Variants in PPM1L observed in about 807,000 individuals in gnomAD.
PPM1L encodes the protein protein phosphatase 1L.
PPM1L carries 13 observed loss-of-function variants against 31.4 expected under a neutral mutation model. That is an observed-to-expected ratio of 0.41 (90% CI 0.27 to 0.66). The LOEUF is 0.66. PPM1L is among the 30% of genes least tolerant of loss of function. The probability of loss-of-function intolerance (pLI) is 0.29; values close to 1 mark genes in which losing one functional copy is unlikely to be tolerated. For missense variants in PPM1L, 326 were observed against 453.7 expected (o/e 0.72, Z 2.56); for synonymous variants, 184 against 175.4 (o/e 1.05, Z -0.39).
intron 1 of PPM1L, among the ~76,000 whole-genome samples, chr3:160,900,367 T>G (rs1713498084): frequency 6.6e-6 from 1 of 152,122 alleles, no homozygotes. Flanking sequence ...CTCCTTTTCT[T>G]TCTTTGACTT....
intron 1 of PPM1L, among the ~76,000 whole-genome samples, chr3:160,926,588 G>A (rs1397136318): frequency 6.6e-6 from 1 of 152,134 alleles, no homozygotes; most frequent in African/African-American, 2.4e-5. Flanking sequence ...GGTAACAAAA[G>A]TGTACATTGA....
At chr3:160,997,798 G>A (rs1717370964) in intron 2 of PPM1L, among the ~76,000 whole-genome samples, 1 of 152,106 alleles carries the variant, frequency 6.6e-6, no homozygotes, top group South Asian at 2.1e-4. Context: ...CTGCAGTTTT[G>A]TTTTTCGCAT....
intron 2 of PPM1L, among the ~76,000 whole-genome samples, chr3:161,016,130 T>C (rs1271354215): frequency 1.3e-5 from 2 of 152,180 alleles, no homozygotes; most frequent in Non-Finnish European, 2.9e-5. Context: ...TATCAAGGTT[T>C]CATGCAAAGT....
intron 1 of PPM1L, among the ~76,000 whole-genome samples, chr3:160,819,345 A>G (rs1284698193): frequency 2.0e-5 from 3 of 152,054 alleles, no homozygotes; most frequent in African/African-American, 7.2e-5. Flanking sequence ...ATGGAGGTCT[A>G]GACTCTAGAC....
chr3:161,011,355 T>A (rs1717887942), intron 2 of PPM1L, among the ~76,000 whole-genome samples: 1 of 152,222 alleles, frequency 6.6e-6, no homozygotes, highest in Admixed American at 6.5e-5. Flanking sequence ...CTGAGAGCTC[T>A]ATTCTGTTCC....
chr3:160,963,821 C>T (rs1716047859), intron 2 of PPM1L, among the ~76,000 whole-genome samples: 1 of 151,994 alleles, frequency 6.6e-6, no homozygotes, highest in African/African-American at 2.4e-5. Context: ...GGTAGGCTTG[C>T]ACATGGCTTT....
chr3:160,829,115 A>G (rs1444816692), intron 1 of PPM1L, among the ~76,000 whole-genome samples: 3 of 151,922 alleles, frequency 2.0e-5, no homozygotes, highest in Admixed American at 2.0e-4. Flanking sequence ...TCGGTATTCC[A>G]GAACGTGCCC....
At chr3:160,957,011 G>A (rs1412217224) in intron 1 of PPM1L, among the ~76,000 whole-genome samples, 1 of 152,166 alleles carries the variant, frequency 6.6e-6, no homozygotes, top group Non-Finnish European at 1.5e-5. Flanking sequence ...ACCTATACCT[G>A]TACAAATACA....
chr3:160,769,362 T>C (rs1715189029), intron 1 of PPM1L, among the ~76,000 whole-genome samples: 1 of 152,280 alleles, frequency 6.6e-6, no homozygotes, highest in Non-Finnish European at 1.5e-5. Context: ...TGGGGGAAAA[T>C]AGACTTTAGA....
intron 1 of PPM1L, among the ~76,000 whole-genome samples, chr3:160,827,308 G>A (rs1009705819): frequency 6.6e-6 from 1 of 150,812 alleles, no homozygotes; most frequent in Non-Finnish European, 1.5e-5. Context: ...TTTTTTACTG[G>A]CTGATTTTTT....
chr3:160,803,030 A>G (rs1466284206), intron 1 of PPM1L, among the ~76,000 whole-genome samples: 1 of 152,242 alleles, frequency 6.6e-6, no homozygotes, highest in Non-Finnish European at 1.5e-5. Flanking sequence ...AAAGAGGTGA[A>G]AATGGAAGAA....
intron 2 of PPM1L, among the ~76,000 whole-genome samples, chr3:161,050,476 C>T (rs1183813643): frequency 6.6e-6 from 1 of 152,026 alleles, no homozygotes; most frequent in Non-Finnish European, 1.5e-5. Context: ...TTCAAATCAA[C>T]TTTAAAAGCT....
intron 1 of PPM1L, among the ~76,000 whole-genome samples, chr3:160,792,673 C>T (rs1054481465): frequency 2.0e-5 from 3 of 152,206 alleles, no homozygotes; most frequent in Non-Finnish European, 4.4e-5. Context: ...ATACCAGCTG[C>T]AAACTCTGGG....
intron 1 of PPM1L, among the ~76,000 whole-genome samples, chr3:160,771,178 C>T (rs1715245571): frequency 6.6e-6 from 1 of 151,856 alleles, no homozygotes; most frequent in African/African-American, 2.4e-5. Flanking sequence ...TAAATGGTAC[C>T]ATTTCACTAC....
chr3:160,796,533 A>G (rs1354321096), intron 1 of PPM1L, among the ~76,000 whole-genome samples: 2 of 152,220 alleles, frequency 1.3e-5, no homozygotes, highest in African/African-American at 4.8e-5. Flanking sequence ...TCAGTGGTGC[A>G]ACTTCACTTT....
intron 1 of PPM1L, among the ~76,000 whole-genome samples, chr3:160,794,076 A>G (rs1712175927): frequency 6.6e-6 from 1 of 152,172 alleles, no homozygotes. Context: ...TCACCGAGCT[A>G]TGTCTGCCTG....
chr3:160,816,483 T>G (rs1712998856), intron 1 of PPM1L, among the ~76,000 whole-genome samples: 1 of 151,932 alleles, frequency 6.6e-6, no homozygotes, highest in African/African-American at 2.4e-5. Context: ...AGTCTGTTTT[T>G]TTTTTTTTTA....
intron 1 of PPM1L, among the ~76,000 whole-genome samples, chr3:160,920,457 T>C (rs530530898): frequency 3.9e-5 from 6 of 152,214 alleles, no homozygotes; most frequent in Middle Eastern, 3.4e-3. Context: ...CCAAAGCCTG[T>C]TTACTTTTCC....
At chr3:160,835,853 T>C (rs1193055819) in intron 1 of PPM1L, among the ~76,000 whole-genome samples, 4 of 152,148 alleles carry the variant, frequency 2.6e-5, no homozygotes, top group African/African-American at 4.8e-5. Context: ...GACAAATCTT[T>C]TCTCCCAAAT....
Sources: gnomAD v4.1 joint callset for allele counts (sites outside exome capture counted in the v4.1 genomes callset) on GRCh38, gnomAD v4.1.1 for gene constraint, MANE v1.5 for transcripts, NCBI Gene and HGNC (gene_info 2026-07-23, HGNC 2026-07-21) for gene names.